Variants in KLHL14 observed in about 807,000 individuals in gnomAD.
KLHL14 encodes kelch like family member 14.
KLHL14 carries 22 observed loss-of-function variants against 64.3 expected under a neutral mutation model. The ratio of observed to expected loss-of-function variants is 0.34; its 90% CI spans 0.24 to 0.49. The LOEUF (loss-of-function observed/expected upper bound fraction) is 0.49. KLHL14 is among the 20% of genes least tolerant of loss of function. KLHL14 has a pLI of 0.99. For missense variants in KLHL14, 661 were observed against 789.0 expected, an observed-to-expected ratio of 0.84 and a Z score of 1.94; for synonymous variants, 322 against 333.4, an observed-to-expected ratio of 0.97 and a Z score of 0.37.
Position 32,770,657 on chromosome 18 carries a change from G to A in KLHL14, c.-43-23C>T, listed in dbSNP as rs749829376. On this transcript the variant is annotated intron_variant, in intron 1 of 8. Transcript: ENST00000359358. This position sits in a 1 kb window ranked among gnomAD's most constrained non-coding sequence, Gnocchi z 6.7. ...AACCTGGCAGACAGGGGTGGGGGAT[G>A]GGAGGGAGGGGAGCAGGGTGGTGGA... The A allele has an allele frequency of 3.7e-6, 5 of 1,336,296 alleles. No homozygotes were observed. The highest frequency in any genetic ancestry group is 4.0e-6 in the Non-Finnish European group (4 of 1,004,306). 82.8% of individuals were successfully genotyped at this position (1,336,296 alleles called of 1,614,324 possible).
chr18:32,746,559 A>T (rs553121236), intron 2 of KLHL14, among the ~76,000 whole-genome samples: 11 of 152,364 alleles, frequency 7.2e-5, no homozygotes, highest in Middle Eastern at 3.4e-3. Context: ...TAATTGGGAA[A>T]CAGGCCAGAT....
chr18:32,700,519 AT>A (rs2049960624), intron 3 of KLHL14, among the ~76,000 whole-genome samples: 1 of 152,176 alleles, frequency 6.6e-6, no homozygotes, highest in South Asian at 2.1e-4. Context: ...TATATGGGTC[AT>A]TTTTGTTAAC....
At chr18:32,742,967 T>C (rs974297071) in intron 2 of KLHL14, 1 of 152,242 alleles carries the variant, frequency 6.6e-6, no homozygotes, top group African/African-American at 2.4e-5. Context: ...GCCTGCAATG[T>C]CTCATATGCA....
intron 3 of KLHL14, among the ~76,000 whole-genome samples, chr18:32,734,948 C>A (rs1194952292): frequency 6.6e-6 from 1 of 152,144 alleles, no homozygotes; most frequent in Non-Finnish European, 1.5e-5. Flanking sequence ...GCTTCCAAGA[C>A]ACAGTTAAAA....
chr18:32,684,042 T>C (rs955369502), intron 5 of KLHL14, among the ~76,000 whole-genome samples: 8 of 152,216 alleles, frequency 5.3e-5, no homozygotes, highest in Non-Finnish European at 1.0e-4. Flanking sequence ...TTTCTATTTT[T>C]TTAGATTAGC....
intron 2 of KLHL14, 47 bp downstream of exon 2, chr18:32,769,598 C>CCCT: frequency 1.6e-6 from 1 of 636,868 alleles, no homozygotes; most frequent in South Asian, 2.5e-5. Context: ...TCCGGCCTCT[C>CCCT]TGGCTCTACC....
intron 3 of KLHL14, among the ~76,000 whole-genome samples, chr18:32,706,783 A>G (rs931576353): frequency 1.3e-5 from 2 of 152,126 alleles, no homozygotes; most frequent in African/African-American, 4.8e-5. Flanking sequence ...GAAAATAATG[A>G]TCCTCTCACC....
At chr18:32,704,894 C>A (rs999998489) in intron 3 of KLHL14, among the ~76,000 whole-genome samples, 7 of 152,028 alleles carry the variant, frequency 4.6e-5, no homozygotes, top group Non-Finnish European at 1.5e-5. Flanking sequence ...AACATGAGAA[C>A]AGATAAATAG....
chr18:32,701,413 A>C (rs1190653278), intron 3 of KLHL14, among the ~76,000 whole-genome samples: 1 of 152,172 alleles, frequency 6.6e-6, no homozygotes, highest in African/African-American at 2.4e-5. Flanking sequence ...TAGTTGAAGC[A>C]GTTGGTGCAG....
intron 2 of KLHL14, among the ~76,000 whole-genome samples, chr18:32,767,535 G>T (rs1420738199): frequency 1.3e-5 from 2 of 152,162 alleles, no homozygotes; most frequent in Non-Finnish European, 2.9e-5. Flanking sequence ...AGCATTCAGT[G>T]GTCAGACACC....
At chr18:32,679,080 T>C (rs1382135565) in intron 7 of KLHL14, among the ~76,000 whole-genome samples, 1 of 151,964 alleles carries the variant, frequency 6.6e-6, no homozygotes, top group Non-Finnish European at 1.5e-5. Flanking sequence ...AGCATCACAG[T>C]AGTAAAGAAA....
intron 2 of KLHL14, among the ~76,000 whole-genome samples, chr18:32,768,330 T>C (rs926189205): frequency 1.3e-5 from 2 of 151,512 alleles, no homozygotes; most frequent in Non-Finnish European, 2.9e-5. Context: ...CCTAAAAAAG[T>C]GTAGAGAGTA....
At chr18:32,729,156 C>T (rs1033766712) in intron 3 of KLHL14, among the ~76,000 whole-genome samples, 3 of 152,186 alleles carry the variant, frequency 2.0e-5, no homozygotes, top group South Asian at 2.1e-4. Flanking sequence ...GAGGCTCACA[C>T]GTGGTTCATT....
At chr18:32,715,671 C>T (rs1187915828) in intron 3 of KLHL14, among the ~76,000 whole-genome samples, 8 of 152,244 alleles carry the variant, frequency 5.3e-5, no homozygotes, top group South Asian at 2.1e-4. Flanking sequence ...TAGGAATACA[C>T]GTATATTTAA....
At chr18:32,715,284 C>T (rs1479688252) in intron 3 of KLHL14, among the ~76,000 whole-genome samples, 2 of 152,116 alleles carry the variant, frequency 1.3e-5, no homozygotes, top group East Asian at 1.9e-4. Flanking sequence ...TATAAACTTA[C>T]ATTTCTATAT....
At chr18:32,698,690 G>A (rs532174477) in intron 3 of KLHL14, among the ~76,000 whole-genome samples, 1 of 152,180 alleles carries the variant, frequency 6.6e-6, no homozygotes, top group Admixed American at 6.5e-5. Flanking sequence ...GGCCCTTTGC[G>A]AGACTTCTCA....
chr18:32,726,755 CA>C (rs1340674352), intron 3 of KLHL14, among the ~76,000 whole-genome samples: 1 of 152,124 alleles, frequency 6.6e-6, no homozygotes, highest in East Asian at 1.9e-4. Flanking sequence ...TTTCAAGGGA[CA>C]TATTACACAC....
chr18:32,717,043 A>C (rs1426143144), intron 3 of KLHL14, among the ~76,000 whole-genome samples: 2 of 152,196 alleles, frequency 1.3e-5, no homozygotes, highest in African/African-American at 4.8e-5. Context: ...TTTACCAAAT[A>C]ATGGGCAAGA....
rs533444815 is a variant in KLHL14 at position 32,676,377 on chromosome 18, C to A, written c.1746+796G>T. ...TCTAGATTGCAAGAGATATATGAGA[C>A]ATAATGATGAAATATAAGAAAGACT... On this transcript the variant is annotated intron_variant, in intron 8 of 8. Coordinates refer to ENST00000359358, the MANE Select transcript of KLHL14 (RefSeq NM_020805.3). 2.0e-5 allele frequency among the ~76,000 whole-genome samples: 3 copies of A among 152,148 alleles called. No individual in the cohort carries two copies. The East Asian group carries it at 5.8e-4, about 29-fold the overall frequency.
Sources: allele counts gnomAD v4.1 joint callset (sites outside exome capture counted in the v4.1 genomes callset), GRCh38; gene constraint gnomAD v4.1.1; non-coding constraint Gnocchi (gnomAD v3.1); transcripts MANE v1.5; gene names NCBI Gene and HGNC (gene_info 2026-07-23, HGNC 2026-07-21).